Variants in GRIK3 observed in about 807,000 individuals in gnomAD.
The protein encoded by GRIK3 is glutamate ionotropic receptor kainate type subunit 3, also known as glutamate receptor ionotropic, kainate 3.
In GRIK3, 29 loss-of-function variants were observed where a neutral mutation model predicts 102.5. That is an observed-to-expected ratio of 0.28 (90% CI 0.21 to 0.39). The LOEUF (loss-of-function observed/expected upper bound fraction) is 0.39. GRIK3 is among the 10% of genes least tolerant of loss of function. GRIK3 has a pLI of 1.00. For missense variants in GRIK3, 908 were observed against 1,252.4 expected (o/e 0.73, Z 4.15); for synonymous variants, 511 against 504.9 (o/e 1.01, Z -0.16).
At chr1:36,961,633 C>A (rs779599107) in intron 1 of GRIK3, among the ~76,000 whole-genome samples, 1 of 152,238 alleles carries the variant, frequency 6.6e-6, no homozygotes, top group Non-Finnish European at 1.5e-5. Context: ...GAGGGCTCAA[C>A]AAAGTGATCT....
chr1:36,883,483 C>T lies in GRIK3; in HGVS notation c.293-2592G>A, dbSNP rs75493636. On this transcript the variant is annotated intron_variant, in intron 2 of 15. Transcript: ENST00000373091. ...GCTGCCCCTTGGTCACCCTTAGGGC[C>T]TAAAAGTGCACCTCCTGCAAGTATG... Among the ~76,000 whole-genome samples the T allele has an allele frequency of 7.4e-3, 1,122 of 152,294 alleles. 56 individuals carry two copies. The East Asian group carries it at 0.11, about 15-fold the overall frequency.
chr1:36,891,677 A>G (rs944395442), intron 1 of GRIK3, among the ~76,000 whole-genome samples: 44 of 152,250 alleles, frequency 2.9e-4, no homozygotes, highest in African/African-American at 9.9e-4. Context: ...AGGCATTCTC[A>G]TTAAAGAAAA....
At chr1:36,861,676 T>C (rs912072242) in intron 5 of GRIK3, among the ~76,000 whole-genome samples, 1 of 152,184 alleles carries the variant, frequency 6.6e-6, no homozygotes, top group African/African-American at 2.4e-5. Context: ...TCCTCCTGCA[T>C]CCCCAAAGTG....
Position 36,806,056 on chromosome 1 carries a change from T to C in GRIK3, c.2314+48A>G, listed in dbSNP as rs1378064026. The C allele has an allele frequency of 1.5e-6, 2 of 1,291,776 alleles. No homozygotes were observed. Among genetic ancestry groups the C allele is most frequent in the African/African-American group, 3.0e-5 (2 of 66,598 alleles). The allele number at this position is 1,291,776 out of a possible 1,614,324, so 80.0% of individuals were successfully genotyped here. A position where few individuals can be genotyped will look rare whatever the true frequency, so the allele number is the denominator to read the frequency against. On this transcript the variant is annotated intron_variant, in intron 14 of 15. Coordinates refer to ENST00000373091, the MANE Select transcript of GRIK3 (RefSeq NM_000831.4). The surrounding 1 kb of genome is among the most constrained non-coding windows in gnomAD (Gnocchi z 4.0). Reference sequence around the variant, plus strand: ...GTGAGGGGACGCGGGGGTGGAGCCCTCCCTCTGCCCACACACCCACCCCTC... The same window carrying C: ...GTGAGGGGACGCGGGGGTGGAGCCCCCCCTCTGCCCACACACCCACCCCTC...
intron 1 of GRIK3, among the ~76,000 whole-genome samples, chr1:36,949,735 C>T (rs180726826): frequency 5.3e-5 from 8 of 151,880 alleles, no homozygotes; most frequent in East Asian, 1.9e-4. Context: ...CCACCATGTC[C>T]GGCTAATACT....
At chr1:36,942,190 C>G (rs1045359750) in intron 1 of GRIK3, among the ~76,000 whole-genome samples, 1 of 152,164 alleles carries the variant, frequency 6.6e-6, no homozygotes, top group African/African-American at 2.4e-5. Flanking sequence ...GCAGTTGCAG[C>G]AGCACACATT....
At chr1:36,950,397 T>G (rs183464018) in intron 1 of GRIK3, among the ~76,000 whole-genome samples, 2 of 152,368 alleles carry the variant, frequency 1.3e-5, no homozygotes, top group Admixed American at 6.5e-5. Context: ...CAGGCTTTTC[T>G]CCATTTATAA....
intron 1 of GRIK3, among the ~76,000 whole-genome samples, chr1:36,957,891 T>C (rs1641941598): frequency 1.1e-5 from 1 of 87,774 alleles, no homozygotes; most frequent in African/African-American, 6.0e-5. Flanking sequence ...CCCCTGAGTC[T>C]GTGTGCCCTG....
chr1:36,957,147 T>C (rs573706289), intron 1 of GRIK3, among the ~76,000 whole-genome samples: 30 of 152,344 alleles, frequency 2.0e-4, no homozygotes, highest in African/African-American at 3.6e-4. Context: ...GATTGGCTGA[T>C]TGGGGGCCTG....
intron 1 of GRIK3, among the ~76,000 whole-genome samples, chr1:36,903,066 C>T (rs565225569): frequency 3.3e-5 from 5 of 152,120 alleles, no homozygotes; most frequent in South Asian, 2.1e-4. Flanking sequence ...CTGGGATTAC[C>T]GTGAGCCACC....
At chr1:36,950,570 T>C (rs1641833748) in intron 1 of GRIK3, among the ~76,000 whole-genome samples, 2 of 152,228 alleles carry the variant, frequency 1.3e-5, no homozygotes, top group Admixed American at 6.5e-5. Flanking sequence ...GACAACATGC[T>C]CTGGGCTTGG....
chr1:37,027,131 A>AAAGG (rs1380624912), intron 1 of GRIK3, among the ~76,000 whole-genome samples: 5 of 152,070 alleles, frequency 3.3e-5, no homozygotes, highest in African/African-American at 1.2e-4. Flanking sequence ...CATAAAGGTC[A>AAAGG]AAGGAAGCAA....
At position 36,798,897 on chromosome 1, in the gene GRIK3, T is replaced by C. The variant is rs981776508; in HGVS notation, c.*2954A>G. The C allele has an allele frequency of 2.6e-5, 4 of 152,248 alleles. No individual in the cohort carries two copies. Among genetic ancestry groups the C allele is most frequent in the Non-Finnish European group, 4.4e-5 (3 of 68,050 alleles). The allele number at this position is 152,248 out of a possible 1,614,324, so 9.4% of individuals were successfully genotyped here. On this transcript the variant is annotated 3_prime_UTR_variant, in exon 16 of 16. Transcript: ENST00000373091. ...GCCTCTATTTATCCACTATTCTTTG[T>C]TCGTTTTATAAAAATTCTCACCACT... is the stretch of plus-strand genomic sequence containing the variant.
At chr1:36,925,846 A>C (rs1641521627) in intron 1 of GRIK3, among the ~76,000 whole-genome samples, 1 of 152,174 alleles carries the variant, frequency 6.6e-6, no homozygotes, top group Admixed American at 6.5e-5. Context: ...AACATTACCA[A>C]TTATCTTGGT....
intron 1 of GRIK3, among the ~76,000 whole-genome samples, chr1:37,020,734 C>T (rs1642701596): frequency 6.6e-6 from 1 of 151,432 alleles, no homozygotes; most frequent in South Asian, 2.1e-4. Flanking sequence ...TACTAGCCTA[C>T]CAGAGTTCTA....
intron 1 of GRIK3, among the ~76,000 whole-genome samples, chr1:36,979,984 T>C (rs1198050154): frequency 6.6e-6 from 1 of 152,220 alleles, no homozygotes; most frequent in African/African-American, 2.4e-5. Flanking sequence ...GGACACCCTC[T>C]TGAGTGGCAA....
intron 1 of GRIK3, among the ~76,000 whole-genome samples, chr1:36,924,479 T>C (rs1641506259): frequency 6.6e-6 from 1 of 152,118 alleles, no homozygotes; most frequent in Non-Finnish European, 1.5e-5. Context: ...GCTTACAGGC[T>C]GGCTGTGGAG....
intron 1 of GRIK3, among the ~76,000 whole-genome samples, chr1:36,990,816 G>T (rs577228453): frequency 2.2e-4 from 34 of 152,192 alleles, no homozygotes; most frequent in African/African-American, 7.9e-4. Flanking sequence ...GAGTGGAGAG[G>T]GTGGCCCCTG....
intron 1 of GRIK3, among the ~76,000 whole-genome samples, chr1:37,010,698 C>T (rs34270812): frequency 6.6e-6 from 1 of 150,858 alleles, no homozygotes; most frequent in Non-Finnish European, 1.5e-5. Context: ...ACTGCGCCAT[C>T]GCAGGTGTCA....
Sources: gnomAD v4.1 joint callset for allele counts (sites outside exome capture counted in the v4.1 genomes callset) on GRCh38, gnomAD v4.1.1 for gene constraint, Gnocchi (gnomAD v3.1) non-coding constraint, MANE v1.5 for transcripts, NCBI Gene and HGNC (gene_info 2026-07-23, HGNC 2026-07-21) for gene names.